Variants in DCC observed in about 807,000 individuals in gnomAD.
DCC encodes netrin receptor DCC.
DCC carries 58 observed loss-of-function variants against 172.5 expected under a neutral mutation model. The observed-to-expected ratio is 0.34, with a 90% CI of 0.27 to 0.42. The LOEUF (loss-of-function observed/expected upper bound fraction) is 0.42, where lower values mean the gene tolerates loss of function less well. Ranked by LOEUF, DCC falls within the 10% of genes least tolerant of loss-of-function variation. DCC has a pLI of 1.00. For missense variants in DCC, 1,740 were observed against 1,791.0 expected (o/e 0.97, Z 0.51); for synonymous variants, 709 against 644.5 (o/e 1.10, Z -1.52).
intron 8 of DCC, among the ~76,000 whole-genome samples, chr18:53,160,436 G>A (rs918889128): frequency 6.6e-6 from 1 of 152,156 alleles, no homozygotes; most frequent in Admixed American, 6.6e-5. Context: ...TCCATGGCCA[G>A]TAAACACAGC....
chr18:52,967,969 T>G (rs1029861016), intron 5 of DCC, among the ~76,000 whole-genome samples: 4 of 152,204 alleles, frequency 2.6e-5, no homozygotes, highest in African/African-American at 7.2e-5. Flanking sequence ...TACACACATT[T>G]TACTTTGTTC....
intron 2 of DCC, among the ~76,000 whole-genome samples, chr18:52,891,942 G>A (rs1030960580): frequency 1.4e-4 from 21 of 152,186 alleles, no homozygotes; most frequent in Admixed American, 8.5e-4. Flanking sequence ...TTCCAGATAT[G>A]TAAATCTGAT....
chr18:52,815,572 C>G (rs1252968110), intron 2 of DCC, among the ~76,000 whole-genome samples: 1 of 152,144 alleles, frequency 6.6e-6, no homozygotes, highest in African/African-American at 2.4e-5. Context: ...TCAACTTGGA[C>G]TTCCAGAGCT....
At chr18:53,357,641 A>T (rs1396032462) in intron 15 of DCC, among the ~76,000 whole-genome samples, 1 of 152,220 alleles carries the variant, frequency 6.6e-6, no homozygotes, top group Non-Finnish European at 1.5e-5. Context: ...ATTATGTAGA[A>T]TGATGTTTGA....
chr18:52,390,666 A>G (rs1985996414), intron 1 of DCC, among the ~76,000 whole-genome samples: 2 of 152,018 alleles, frequency 1.3e-5, no homozygotes, highest in South Asian at 4.2e-4. Flanking sequence ...GTCTCCAAGG[A>G]GACTCATGGT....
At chr18:53,244,268 T>C (rs10853628) in intron 12 of DCC, among the ~76,000 whole-genome samples, 63,994 of 151,992 alleles carry the variant, frequency 0.42, 14,048 homozygotes, top group East Asian at 0.62. Context: ...GATGATGCTC[T>C]ACTTCCAGTA....
intron 2 of DCC, among the ~76,000 whole-genome samples, chr18:52,767,186 GAAGTA>G (rs2037267983): frequency 6.6e-6 from 1 of 151,866 alleles, no homozygotes; most frequent in Admixed American, 6.6e-5. Context: ...ACTTCTGCCT[GAAGTA>G]AATAGGATCA....
At chr18:53,203,200 CTTGTG>C (rs748679356) in intron 9 of DCC, among the ~76,000 whole-genome samples, 2 of 57,322 alleles carry the variant, frequency 3.5e-5, no homozygotes, top group African/African-American at 1.2e-4. Context: ...TATAGATTCT[CTTGTG>C]TGTGTGTGTG....
chr18:53,290,260 A>G (rs997771423), intron 12 of DCC, among the ~76,000 whole-genome samples: 5 of 152,178 alleles, frequency 3.3e-5, no homozygotes, highest in African/African-American at 1.2e-4. Context: ...CTTCATTTCC[A>G]ACAGGAGAAA....
intron 1 of DCC, among the ~76,000 whole-genome samples, chr18:52,704,427 G>A (rs1214072696): frequency 6.6e-6 from 1 of 152,052 alleles, no homozygotes; most frequent in Non-Finnish European, 1.5e-5. Context: ...TGTAATTTTT[G>A]CACACATGGT....
At chr18:53,112,352 A>AC (rs1399888819) in intron 7 of DCC, among the ~76,000 whole-genome samples, 2 of 151,542 alleles carry the variant, frequency 1.3e-5, no homozygotes, top group Non-Finnish European at 3.0e-5. Context: ...TTCACTTTAT[A>AC]CCCCATAAAA....
intron 22 of DCC, among the ~76,000 whole-genome samples, chr18:53,441,060 C>T (rs1285888021): frequency 6.6e-6 from 1 of 152,212 alleles, no homozygotes; most frequent in African/African-American, 2.4e-5. Context: ...TCCTCTCCTC[C>T]ATGTTGTAGC....
chr18:52,411,683 T>G (rs188265475), intron 1 of DCC, among the ~76,000 whole-genome samples: 6 of 152,282 alleles, frequency 3.9e-5, no homozygotes, highest in Non-Finnish European at 7.4e-5. Flanking sequence ...GACTGCCTAG[T>G]TTTGAATCCA....
intron 7 of DCC, among the ~76,000 whole-genome samples, chr18:53,094,164 G>C (rs371045703): frequency 6.6e-6 from 1 of 152,160 alleles, no homozygotes; most frequent in Non-Finnish European, 1.5e-5. Context: ...CGGGACCAGA[G>C]TATTTAAGCT....
intron 15 of DCC, among the ~76,000 whole-genome samples, chr18:53,377,081 C>T (rs1907341608): frequency 6.6e-6 from 1 of 152,106 alleles, no homozygotes; most frequent in Non-Finnish European, 1.5e-5. Flanking sequence ...TGAAAATCTT[C>T]TTCAACTCAC....
chr18:52,363,803 T>C (rs909189231), intron 1 of DCC, among the ~76,000 whole-genome samples: 2 of 152,214 alleles, frequency 1.3e-5, no homozygotes, highest in Non-Finnish European at 2.9e-5. Flanking sequence ...CTTCCTCCAT[T>C]CTGATTGGTG....
chr18:52,834,162 C>T (rs2038663493), intron 2 of DCC, among the ~76,000 whole-genome samples: 1 of 151,762 alleles, frequency 6.6e-6, no homozygotes, highest in Admixed American at 6.6e-5. Context: ...AGCCTCATGC[C>T]TTCTTCTCTT....
chr18:53,166,339 C>G (rs12457407), intron 8 of DCC, among the ~76,000 whole-genome samples: 63,453 of 151,408 alleles, frequency 0.42, 14,003 homozygotes, highest in East Asian at 0.71. Context: ...GGAATGTCCC[C>G]AAGGGCCGTG....
intron 2 of DCC, among the ~76,000 whole-genome samples, chr18:52,883,177 A>G (rs2039512476): frequency 6.6e-6 from 1 of 151,994 alleles, no homozygotes; most frequent in Admixed American, 6.6e-5. Flanking sequence ...TGGGCAACAG[A>G]TCATTGGGTC....
Sources: allele counts gnomAD v4.1 joint callset (sites outside exome capture counted in the v4.1 genomes callset), GRCh38; gene constraint gnomAD v4.1.1; transcripts MANE v1.5; gene names NCBI Gene and HGNC (gene_info 2026-07-23, HGNC 2026-07-21).